PLXNA4: variants seen among roughly 807,000 people sequenced by gnomAD.
The protein encoded by PLXNA4 is plexin A4.
A neutral mutation model predicts 191.8 loss-of-function variants in PLXNA4; 44 were observed. The observed-to-expected ratio is 0.23, with a 90% CI of 0.18 to 0.29. The LOEUF (loss-of-function observed/expected upper bound fraction) is 0.29, where lower values mean the gene tolerates loss of function less well. PLXNA4 is among the 10% of genes least tolerant of loss of function. PLXNA4 has a pLI of 1.00. For synonymous variants in PLXNA4, 1,082 were observed against 1,009.5 expected, an observed-to-expected ratio of 1.07 and a Z score of -1.36; for missense variants, 1,800 against 2,488.8, an observed-to-expected ratio of 0.72 and a Z score of 5.89.
intron 4 of PLXNA4, among the ~76,000 whole-genome samples, chr7:132,277,469 G>A (rs985038080): frequency 1.3e-5 from 2 of 152,184 alleles, no homozygotes; most frequent in African/African-American, 4.8e-5. Context: ...GGATGAGTGT[G>A]AGGATGACTC....
intron 21 of PLXNA4, among the ~76,000 whole-genome samples, chr7:132,173,351 T>C (rs1294970653): frequency 6.6e-6 from 1 of 151,996 alleles, no homozygotes; most frequent in Admixed American, 6.6e-5. Flanking sequence ...TTTTTATTTA[T>C]GCACGGGCTA....
chr7:132,133,024 G>A (rs868273079), intron 31 of PLXNA4, 25 bp downstream of exon 31: 2 of 1,605,606 alleles, frequency 1.2e-6, no homozygotes, highest in African/African-American at 2.7e-5. Flanking sequence ...CCATCCCAAT[G>A]GGCCTGGAGC....
chr7:132,343,451 G>C (rs1803117016), intron 3 of PLXNA4, among the ~76,000 whole-genome samples: 1 of 152,164 alleles, frequency 6.6e-6, no homozygotes. Flanking sequence ...TTTCTGTCTG[G>C]AAAGTCTTTT....
At chr7:132,170,653 T>G (rs1244455361) in intron 21 of PLXNA4, among the ~76,000 whole-genome samples, 1 of 152,236 alleles carries the variant, frequency 6.6e-6, no homozygotes, top group Middle Eastern at 3.2e-3. Context: ...GGCCCTGTCC[T>G]GAGAAGTTCA....
intron 1 of PLXNA4, among the ~76,000 whole-genome samples, chr7:132,513,936 A>G (rs904699326): frequency 3.9e-5 from 6 of 152,098 alleles, no homozygotes; most frequent in Non-Finnish European, 7.4e-5. Context: ...TCAGCCTCCC[A>G]AAGTGCTGGG....
At chr7:132,165,463 C>T (rs760145244) in intron 22 of PLXNA4, among the ~76,000 whole-genome samples, 5 of 152,150 alleles carry the variant, frequency 3.3e-5, no homozygotes, top group Admixed American at 3.3e-4. Flanking sequence ...GGCTGGAACG[C>T]CTTAGAGCAC....
intron 6 of PLXNA4, 98 bp from the exon 7 acceptor site, chr7:132,227,702 C>A (rs1288567194): frequency 2.7e-6 from 4 of 1,476,778 alleles, no homozygotes; most frequent in Non-Finnish European, 3.7e-6. Context: ...AGAGAGATCA[C>A]AGGGAAAGCA....
chr7:132,464,209 C>T (rs977035966), intron 3 of PLXNA4, among the ~76,000 whole-genome samples: 2 of 152,202 alleles, frequency 1.3e-5, no homozygotes, highest in East Asian at 3.9e-4. Flanking sequence ...CTGGAAGAGT[C>T]CTGCTCTGTC....
In PLXNA4 at chr7:132,639,532, G is replaced by A. The variant is rs138754972; in HGVS notation, c.-87+6396C>T. 3.4e-3 allele frequency among the ~76,000 whole-genome samples: 518 copies of A among 152,088 alleles called. 2 individuals are homozygous for A. Among genetic ancestry groups the A allele is most frequent in the African/African-American group, 0.011 (458 of 41,498 alleles). Reference sequence around the variant, plus strand: ...ACTGAAGCCCTGCCAAGAACCATGCGCCCCCACAATCACCAGTAGTAAAAT... The same window carrying A: ...ACTGAAGCCCTGCCAAGAACCATGCACCCCCACAATCACCAGTAGTAAAAT... On this transcript the variant is annotated intron_variant, in intron 2 of 4. Coordinates refer to the PLXNA4 transcript ENST00000378539.
At chr7:132,471,272 C>T (rs1796924677) in intron 3 of PLXNA4, among the ~76,000 whole-genome samples, 2 of 152,188 alleles carry the variant, frequency 1.3e-5, no homozygotes, top group South Asian at 2.1e-4. Context: ...GAGCCAATTA[C>T]ACCTCTTTTC....
At chr7:132,451,608 A>T (rs1426397234) in intron 3 of PLXNA4, among the ~76,000 whole-genome samples, 1 of 152,232 alleles carries the variant, frequency 6.6e-6, no homozygotes, top group Admixed American at 6.5e-5. Flanking sequence ...CTCTGTTGTC[A>T]GCCCTGCCTG....
At chr7:132,208,745 CTG>C (rs1797706290) in intron 10 of PLXNA4, among the ~76,000 whole-genome samples, 1 of 152,208 alleles carries the variant, frequency 6.6e-6, no homozygotes, top group African/African-American at 2.4e-5. Flanking sequence ...GACAGACAGA[CTG>C]TGCGCACACT....
intron 2 of PLXNA4, among the ~76,000 whole-genome samples, chr7:132,583,884 A>AGTCCACAGAGGTGT (rs1802456390): frequency 6.6e-6 from 1 of 152,238 alleles, no homozygotes; most frequent in South Asian, 2.1e-4. Context: ...GGTGTGTGGT[A>AGTCCACAGAGGTGT]GCACATGAGG....
chr7:132,150,943 C>A (rs1266913875), intron 25 of PLXNA4, among the ~76,000 whole-genome samples: 1 of 152,170 alleles, frequency 6.6e-6, no homozygotes, highest in Non-Finnish European at 1.5e-5. Context: ...GAATGAGAGT[C>A]CACCTACCTC....
At chr7:132,617,677 C>T (rs1275818804) in intron 2 of PLXNA4, among the ~76,000 whole-genome samples, 6 of 152,154 alleles carry the variant, frequency 3.9e-5, no homozygotes, top group Non-Finnish European at 8.8e-5. Context: ...TCCCAAATGC[C>T]TCCCAGTCTG....
chr7:132,365,354 T>TGC (rs1318200658), intron 3 of PLXNA4, among the ~76,000 whole-genome samples: 82 of 125,900 alleles, frequency 6.5e-4, no homozygotes, highest in Admixed American at 1.1e-3. Context: ...TGTGTGTGTG[T>TGC]GTGTGTGCGT....
At chr7:132,563,640 CCTCCTCCTT>C (rs1200219458) in intron 1 of PLXNA4, among the ~76,000 whole-genome samples, 1 of 131,100 alleles carries the variant, frequency 7.6e-6, no homozygotes, top group Non-Finnish European at 1.6e-5. Flanking sequence ...TCCTCCTTCT[CCTCCTCCTT>C]CTCCTCTTCC....
At chr7:132,188,998 G>GGAAAGGAAA (rs1562908835) in intron 14 of PLXNA4, among the ~76,000 whole-genome samples, 6 of 50,996 alleles carry the variant, frequency 1.2e-4, no homozygotes, top group South Asian at 1.5e-3. Context: ...GGAAAGGAGA[G>GGAAAGGAAA]AGAGAGAGAG....
chr7:132,388,792 TG>T (rs1805271207), intron 3 of PLXNA4, among the ~76,000 whole-genome samples: 4 of 150,136 alleles, frequency 2.7e-5, no homozygotes, highest in African/African-American at 1.0e-4. Flanking sequence ...AGCTCAAGCC[TG>T]GGGCTCATGC....
Sources: gnomAD v4.1 joint callset for allele counts (sites outside exome capture counted in the v4.1 genomes callset) on GRCh38, gnomAD v4.1.1 for gene constraint, MANE v1.5 for transcripts, NCBI Gene and HGNC (gene_info 2026-07-23, HGNC 2026-07-21) for gene names.